DNAH12: variants seen among roughly 807,000 people sequenced by gnomAD.
DNAH12 encodes the protein axonemal beta dynein heavy chain 12.
DNAH12 carries 285 observed loss-of-function variants against 371.5 expected under a neutral mutation model. The observed-to-expected ratio is 0.77, with a 90% CI of 0.70 to 0.85. The LOEUF (loss-of-function observed/expected upper bound fraction) is 0.85. Ranked by LOEUF, DNAH12 falls within the 40% of genes least tolerant of loss-of-function variation. The pLI is 0.00. For missense variants in DNAH12, 3,611 were observed against 3,689.4 expected, an observed-to-expected ratio of 0.98 and a Z score of 0.55; for synonymous variants, 1,200 against 1,213.0, an observed-to-expected ratio of 0.99 and a Z score of 0.22.
chr3:57,302,567 A>ATATATATATATTTTTTTT (rs2061380979), intron 69 of DNAH12, among the ~76,000 whole-genome samples: 5 of 27,484 alleles, frequency 1.8e-4, no homozygotes, highest in African/African-American at 2.5e-4. Flanking sequence ...ATATATATGT[A>ATATATATATATTTTTTTT]TTTTTTTTTT....
At chr3:57,499,261 G>A (rs560628585) in intron 11 of DNAH12, among the ~76,000 whole-genome samples, 2 of 152,160 alleles carry the variant, frequency 1.3e-5, no homozygotes, top group Admixed American at 6.5e-5. Context: ...TCTGAGGTAG[G>A]AGAAATGTTC....
chr3:57,433,174 CAA>C (rs11395980), intron 32 of DNAH12, among the ~76,000 whole-genome samples, 191 bp downstream of exon 32: 20 of 142,496 alleles, frequency 1.4e-4, no homozygotes, highest in East Asian at 2.1e-4. Context: ...TTTCATTCTA[CAA>C]AAAAAAAAAA....
intron 30 of DNAH12, 44 bp from the exon 31 acceptor site, chr3:57,433,872 A>G (rs749387785): frequency 7.1e-7 from 1 of 1,413,574 alleles, no homozygotes; most frequent in South Asian, 1.8e-5. Flanking sequence ...GTCTTTAAAG[A>G]GTTAAATAAT....
chr3:57,352,994 CAGG>C (rs1446242921), intron 59 of DNAH12, among the ~76,000 whole-genome samples: 1 of 151,996 alleles, frequency 6.6e-6, no homozygotes, highest in Non-Finnish European at 1.5e-5. Context: ...GAGGCTGAGG[CAGG>C]AGAATTGCTT....
the DNAH12 span, among the ~76,000 whole-genome samples, chr3:57,553,906 C>T: frequency 6.6e-6 from 1 of 150,606 alleles, no homozygotes; most frequent in Admixed American, 6.6e-5. Flanking sequence ...CTCACTGCAA[C>T]CTCTGCCTCC....
chr3:57,534,188 T>G (rs1330964395), intron 2 of DNAH12, among the ~76,000 whole-genome samples: 2 of 152,250 alleles, frequency 1.3e-5, no homozygotes, highest in African/African-American at 4.8e-5. Context: ...GCACTCTCCA[T>G]CCCCAAGTGC....
chr3:57,497,781 A>G (rs1264478042), intron 11 of DNAH12, among the ~76,000 whole-genome samples: 1 of 152,192 alleles, frequency 6.6e-6, no homozygotes. Context: ...GATAGACTAG[A>G]ATTAATTATA....
chr3:57,438,992 A>C (rs919112223), intron 29 of DNAH12, among the ~76,000 whole-genome samples: 1 of 151,646 alleles, frequency 6.6e-6, no homozygotes, highest in Non-Finnish European at 1.5e-5. Context: ...CAGTAGGAAT[A>C]TATCTAACCA....
chr3:57,371,540 G>C (rs1047787736), intron 55 of DNAH12, among the ~76,000 whole-genome samples: 2 of 151,702 alleles, frequency 1.3e-5, no homozygotes, highest in Admixed American at 6.6e-5. Context: ...GGAGGTGGGG[G>C]CACTACAAAT....
intron 11 of DNAH12, among the ~76,000 whole-genome samples, chr3:57,495,000 C>A (rs1291048623): frequency 9.6e-6 from 1 of 104,694 alleles, no homozygotes; most frequent in Non-Finnish European, 2.1e-5. Flanking sequence ...CAAAGCAAGA[C>A]CCTGTCTCAA....
At chr3:57,547,223 TATAGATATAG>T (rs913603651), upstream of DNAH12, among the ~76,000 whole-genome samples, 7 of 151,696 alleles carry the variant, frequency 4.6e-5, no homozygotes, top group African/African-American at 7.3e-5. Flanking sequence ...TAGATATAGA[TATAGATATAG>T]ATATAGATGA....
At chr3:57,500,048 T>G (rs1575691471) in intron 11 of DNAH12, among the ~76,000 whole-genome samples, 1 of 149,248 alleles carries the variant, frequency 6.7e-6, no homozygotes, top group African/African-American at 2.4e-5. Flanking sequence ...GAATTACCTT[T>G]TTTTTTTTTT....
intron 69 of DNAH12, among the ~76,000 whole-genome samples, chr3:57,302,567 A>ATATATATATTTTTTTT (rs2061380979): frequency 1.1e-4 from 3 of 27,482 alleles, no homozygotes; most frequent in Admixed American, 1.4e-3. Flanking sequence ...ATATATATGT[A>ATATATATATTTTTTTT]TTTTTTTTTT....
chr3:57,450,201 T>G (rs2065714130), intron 25 of DNAH12, among the ~76,000 whole-genome samples: 2 of 139,702 alleles, frequency 1.4e-5, no homozygotes, highest in African/African-American at 5.5e-5. Context: ...TGAGCCAAGA[T>G]CGCACCACTG....
chr3:57,535,950 C>A (rs561941716), intron 2 of DNAH12, among the ~76,000 whole-genome samples: 3 of 151,864 alleles, frequency 2.0e-5, no homozygotes, highest in African/African-American at 7.3e-5. Context: ...GATTCTCCTG[C>A]CTCAGCCACC....
intron 49 of DNAH12, among the ~76,000 whole-genome samples, chr3:57,383,053 A>G (rs937425344): frequency 6.6e-6 from 1 of 152,210 alleles, no homozygotes; most frequent in Non-Finnish European, 1.5e-5. Context: ...TTGTGACAAT[A>G]TAGATTACAG....
At chr3:57,359,255 T>C (rs1401544546) in intron 58 of DNAH12, among the ~76,000 whole-genome samples, 1 of 152,014 alleles carries the variant, frequency 6.6e-6, no homozygotes. Context: ...GAACAAGATA[T>C]TTTCTAAGAA....
Position 57,358,718 on chromosome 3 carries a change from A to C in DNAH12, c.9361-1370T>G, listed in dbSNP as rs911411964. 4.7e-4 allele frequency among the ~76,000 whole-genome samples: 71 copies of C among 152,304 alleles called. 1 individual carries two copies. The highest frequency in any genetic ancestry group is 1.7e-3 in the African/African-American group (69 of 41,568). ...CTCACTTAAACCTTTTGCTATTTAA[A>C]CTTTGACTTTCAATTCAAATGTCAT... On this transcript the variant is annotated intron_variant, in intron 58 of 73. Coordinates refer to ENST00000495027, the MANE Select transcript of DNAH12 (RefSeq NM_001366028.2).
At chr3:57,423,277 C>A (rs2064650927) in intron 35 of DNAH12, among the ~76,000 whole-genome samples, 1 of 152,126 alleles carries the variant, frequency 6.6e-6, no homozygotes, top group African/African-American at 2.4e-5. Context: ...AAAAATGCAA[C>A]TTGAAGGTTA....
Sources: allele counts gnomAD v4.1 joint callset (sites outside exome capture counted in the v4.1 genomes callset), GRCh38; gene constraint gnomAD v4.1.1; transcripts MANE v1.5; gene names NCBI Gene and HGNC (gene_info 2026-07-23, HGNC 2026-07-21).